CDH18: variants seen among roughly 807,000 people sequenced by gnomAD.
The protein encoded by CDH18 is cadherin-18.
In CDH18, 31 loss-of-function variants were observed where a neutral mutation model predicts 67.9. The ratio of observed to expected loss-of-function variants is 0.46; its 90% CI spans 0.34 to 0.62. The LOEUF is 0.62. Ranked by LOEUF, CDH18 falls within the 20% of genes least tolerant of loss-of-function variation. The pLI is 0.01. For missense variants in CDH18, 890 were observed against 975.5 expected, an observed-to-expected ratio of 0.91 and a Z score of 1.17; for synonymous variants, 362 against 347.2, an observed-to-expected ratio of 1.04 and a Z score of -0.48.
At position 20,441,827 on chromosome 5, in the gene CDH18, T is replaced by C. The variant is rs559930918; in HGVS notation, c.-580+133635A>G. On this transcript the variant is annotated intron_variant, in intron 1 of 14. Coordinates refer to the CDH18 transcript ENST00000507958. ...AATTGCAAGTACTTACATTGCCAAA[T>C]GAATTATTTTCCTTACTATTTAATC... Among the ~76,000 whole-genome samples the C allele has an allele frequency of 3.0e-4, 45 of 152,070 alleles. 1 individual carries two copies. Among genetic ancestry groups the C allele is most frequent in the African/African-American group, 1.1e-3 (44 of 41,340 alleles).
At chr5:20,142,195 G>A (rs1750298095) in intron 2 of CDH18, among the ~76,000 whole-genome samples, 1 of 152,026 alleles carries the variant, frequency 6.6e-6, no homozygotes, top group Non-Finnish European at 1.5e-5. Context: ...AATATTTAAT[G>A]TTACAAAAAT....
intron 1 of CDH18, among the ~76,000 whole-genome samples, chr5:20,499,203 A>G (rs1171254743): frequency 6.6e-6 from 1 of 152,054 alleles, no homozygotes; most frequent in African/African-American, 2.4e-5. Flanking sequence ...AAATCCACAG[A>G]TGCTCAAGTC....
At chr5:20,304,219 T>C (rs976142239) in intron 1 of CDH18, 1 of 1,513,338 alleles carries the variant, frequency 6.6e-7, no homozygotes, top group Non-Finnish European at 9.2e-7. Flanking sequence ...GCATATTGGG[T>C]GGAATCAGAG....
In CDH18 at chr5:19,995,463, G is replaced by A. The variant is rs557798861; in HGVS notation, c.-517-3449C>T. On this transcript the variant is annotated intron_variant, in intron 2 of 14. Coordinates refer to the CDH18 transcript ENST00000507958. ...TATACATAACTCAAGACTGGCATTGGAAGACATAGAGTCAAGCCATACGTT... is the reference window on the plus strand; with the variant it reads ...TATACATAACTCAAGACTGGCATTGAAAGACATAGAGTCAAGCCATACGTT... 2.6e-5 allele frequency among the ~76,000 whole-genome samples: 4 copies of A among 152,014 alleles called. No individual in the cohort carries two copies. In the East Asian group the frequency reaches 7.8e-4, roughly 30 times the overall value.
At chr5:19,968,196 A>G (rs1797655484) in intron 2 of CDH18, among the ~76,000 whole-genome samples, 1 of 152,178 alleles carries the variant, frequency 6.6e-6, no homozygotes, top group Non-Finnish European at 1.5e-5. Flanking sequence ...AAAAGAGGAC[A>G]CAAACAAATG....
chr5:19,992,435 G>C (rs1188661620), upstream of CDH18, among the ~76,000 whole-genome samples: 1 of 143,672 alleles, frequency 7.0e-6, no homozygotes, highest in African/African-American at 2.5e-5. Flanking sequence ...AAAATATAAA[G>C]TATATGCCAG....
intron 7 of CDH18, among the ~76,000 whole-genome samples, chr5:19,589,645 C>T (rs1241240765): frequency 1.3e-5 from 2 of 152,092 alleles, no homozygotes; most frequent in African/African-American, 4.8e-5. Context: ...GAAATCTTGA[C>T]ATCAAATTAG....
At position 19,545,193 on chromosome 5, in the gene CDH18, G is replaced by A. The variant is rs1345511698; in HGVS notation, c.1254-1188C>T. On this transcript the variant is annotated intron_variant, in intron 8 of 12. Coordinates refer to ENST00000382275, the MANE Select transcript of CDH18 (RefSeq NM_004934.5). ...CTTAAGTAATATTTTATCTAGACCT[G>A]AAAGATGAAATGGACTGATTAATTA... Among the ~76,000 whole-genome samples the A allele has an allele frequency of 1.7e-4, 26 of 152,082 alleles. 1 individual carries two copies. The highest frequency in any genetic ancestry group is 4.4e-5 in the Non-Finnish European group (3 of 68,030).
intron 3 of CDH18, among the ~76,000 whole-genome samples, chr5:19,799,435 AACACACACACACACAC>A (rs10545142): frequency 1.4e-5 from 2 of 143,718 alleles, no homozygotes; most frequent in Non-Finnish European, 3.1e-5. Flanking sequence ...AAATATTCTC[AACACACACACACACAC>A]ACACACACAC....
intron 1 of CDH18, among the ~76,000 whole-genome samples, chr5:20,394,614 A>G (rs1056432711): frequency 1.1e-4 from 17 of 152,132 alleles, no homozygotes; most frequent in Non-Finnish European, 2.9e-5. Flanking sequence ...GCTTCTGCAT[A>G]GCGGAGAAAT....
chr5:20,242,609 A>ATATATATATATATATGT lies in CDH18; in HGVS notation c.-518+12834_-518+12835insACATATATATATATATA, dbSNP rs1189797832. The stretch of plus-strand genomic sequence containing the variant: ...GTTTCATTGAGGGAAAAAAAAAAAA[A>ATATATATATATATATGT]AAATATATATATATATATATATATG... On this transcript the variant is annotated intron_variant, in intron 2 of 14. Coordinates refer to the CDH18 transcript ENST00000507958. Among the ~76,000 whole-genome samples, 42 of 87,108 alleles carry ATATATATATATATATGT rather than the reference A, an allele frequency of 4.8e-4. 1 individual carries two copies. The highest frequency in any genetic ancestry group is 6.3e-4 in the African/African-American group (10 of 15,926). 57.1% of individuals were successfully genotyped at this position (87,108 alleles called of 152,430 possible). A position where few individuals can be genotyped will look rare whatever the true frequency, so the allele number is the denominator to read the frequency against.
At chr5:20,310,338 CA>C in intron 1 of CDH18, among the ~76,000 whole-genome samples, 1 of 152,276 alleles carries the variant, frequency 6.6e-6, no homozygotes, top group Non-Finnish European at 1.5e-5. Context: ...TTAAACTCCA[CA>C]AGCATATAGA....
chr5:20,255,225 C>T (rs1744143433), intron 2 of CDH18, among the ~76,000 whole-genome samples: 1 of 151,976 alleles, frequency 6.6e-6, no homozygotes, highest in Admixed American at 6.6e-5. Context: ...TGCACATGTA[C>T]CCCCATATAT....
At chr5:20,215,541 A>T (rs184754389) in intron 2 of CDH18, among the ~76,000 whole-genome samples, 34 of 152,114 alleles carry the variant, frequency 2.2e-4, no homozygotes, top group African/African-American at 7.9e-4. Flanking sequence ...AGTGTAAATT[A>T]GTTCAACCAT....
intron 5 of CDH18, among the ~76,000 whole-genome samples, chr5:19,643,779 T>C (rs1276360062): frequency 6.6e-6 from 1 of 152,128 alleles, no homozygotes; most frequent in Non-Finnish European, 1.5e-5. Flanking sequence ...AATGTGACTA[T>C]AGCTAAAATG....
chr5:20,355,746 G>T (rs1157578057), intron 1 of CDH18, among the ~76,000 whole-genome samples: 1 of 152,194 alleles, frequency 6.6e-6, no homozygotes, highest in Non-Finnish European at 1.5e-5. Flanking sequence ...TTATGCATCT[G>T]AAGTTTTATC....
chr5:20,272,583 C>G (rs1745517241), intron 1 of CDH18, among the ~76,000 whole-genome samples: 1 of 151,746 alleles, frequency 6.6e-6, no homozygotes, highest in African/African-American at 2.4e-5. Context: ...CAGAACATTA[C>G]AATAATAATA....
chr5:19,881,683 C>T (rs1787661065), intron 2 of CDH18, among the ~76,000 whole-genome samples: 1 of 151,654 alleles, frequency 6.6e-6, no homozygotes. Flanking sequence ...ATTTTATACT[C>T]TGAGTAGAAA....
chr5:19,851,316 T>C (rs1783660583), intron 2 of CDH18, among the ~76,000 whole-genome samples: 1 of 151,194 alleles, frequency 6.6e-6, no homozygotes, highest in South Asian at 2.1e-4. Context: ...GTTCTTAAAA[T>C]ATTTATTATT....
Sources: allele counts gnomAD v4.1 joint callset (sites outside exome capture counted in the v4.1 genomes callset), GRCh38; gene constraint gnomAD v4.1.1; transcripts MANE v1.5; gene names NCBI Gene and HGNC (gene_info 2026-07-23, HGNC 2026-07-21).